CCND3: variants seen among roughly 807,000 people sequenced by gnomAD.
The protein encoded by CCND3 is cyclin D3.
CCND3 carries 9 observed loss-of-function variants against 28.7 expected under a neutral mutation model. The observed-to-expected ratio is 0.31, with a 90% CI of 0.19 to 0.55. The LOEUF (loss-of-function observed/expected upper bound fraction) is 0.55, where lower values mean the gene tolerates loss of function less well. Among genes scored for constraint, CCND3 ranks in the 20% least tolerant of loss-of-function variants. The probability of loss-of-function intolerance (pLI) is 0.93; values close to 1 mark genes in which losing one functional copy is unlikely to be tolerated. For missense variants in CCND3, 315 were observed against 385.8 expected, an observed-to-expected ratio of 0.82 and a Z score of 1.54; for synonymous variants, 164 against 163.9, an observed-to-expected ratio of 1.00 and a Z score of 0.00.
At chr6:41,968,801 G>GTGTT (rs147565343) in intron 1 of CCND3, among the ~76,000 whole-genome samples, 52 of 151,868 alleles carry the variant, frequency 3.4e-4, no homozygotes, top group African/African-American at 6.3e-4. Flanking sequence ...GTATTGGTTT[G>GTGTT]TGTTTGTTTG....
intron 1 of CCND3, among the ~76,000 whole-genome samples, chr6:41,959,586 G>A (rs1761648479): frequency 6.6e-6 from 1 of 151,584 alleles, no homozygotes; most frequent in Admixed American, 6.6e-5. Flanking sequence ...CGGGATGGGG[G>A]CTGAGGCAGG....
intron 1 of CCND3, among the ~76,000 whole-genome samples, chr6:42,042,210 C>T (rs1314874435): frequency 6.6e-6 from 1 of 152,154 alleles, no homozygotes; most frequent in African/African-American, 2.4e-5. Context: ...GCCCCATATC[C>T]ACCCCGAGGA....
chr6:41,977,843 A>G (rs1224441986), intron 1 of CCND3, among the ~76,000 whole-genome samples: 1 of 152,120 alleles, frequency 6.6e-6, no homozygotes, highest in African/African-American at 2.4e-5. Context: ...ATTATTTTCA[A>G]AAACTCTAAC....
intron 1 of CCND3, among the ~76,000 whole-genome samples, chr6:42,009,937 T>C (rs1763292263): frequency 1.3e-5 from 2 of 152,174 alleles, no homozygotes; most frequent in Non-Finnish European, 2.9e-5. Context: ...TTAGTCCTAC[T>C]GAATCAGAAT....
chr6:41,937,538 G>T, intron 2 of CCND3, 144 bp from the exon 3 acceptor site: 1 of 906,768 alleles, frequency 1.1e-6, no homozygotes, highest in Non-Finnish European at 1.6e-6. Context: ...TTTAAGGCCG[G>T]GCACCATGGA....
chr6:41,943,539 GTTC>G (rs1165905067), upstream of CCND3, among the ~76,000 whole-genome samples: 1 of 152,122 alleles, frequency 6.6e-6, no homozygotes, highest in Non-Finnish European at 1.5e-5. Flanking sequence ...ATTATTTCTA[GTTC>G]TTCTCTATTA....
chr6:41,999,814 C>G (rs926195467), intron 1 of CCND3, among the ~76,000 whole-genome samples: 3 of 152,126 alleles, frequency 2.0e-5, no homozygotes, highest in Non-Finnish European at 4.4e-5. Flanking sequence ...TTCTTCGAGC[C>G]TAGAAGTTTG....
In CCND3 at chr6:42,048,498, T is replaced by TACCTCCTCGTCAGGTG. The variant is rs758816737; in HGVS notation, c.-59_-46+2dup. The TACCTCCTCGTCAGGTG allele has an allele frequency of 2.2e-5, 11 of 511,022 alleles. No homozygotes were observed. The highest frequency in any genetic ancestry group is 1.5e-4 in the African/African-American group (8 of 51,710). 31.7% of individuals were successfully genotyped at this position (511,022 alleles called of 1,614,324 possible). On this transcript the variant is annotated splice_region_variant and intron_variant, in intron 1 of 4. Transcript: ENST00000372988. This position sits in a 1 kb window ranked among gnomAD's most constrained non-coding sequence, Gnocchi z 4.7. ...CCCCGGTTTCTCCAGCACCCAAGCC[T>TACCTCCTCGTCAGGTG]ACCTCCTCGTCAGGTGACCTCCCCG... is the stretch of plus-strand genomic sequence containing the variant.
intron 1 of CCND3, among the ~76,000 whole-genome samples, chr6:41,980,389 G>A (rs1320591169): frequency 6.6e-6 from 1 of 152,128 alleles, no homozygotes; most frequent in African/African-American, 2.4e-5. Context: ...TCCAACCTCA[G>A]CCTCCCAAAG....
chr6:42,003,290 C>T (rs1763069549), intron 1 of CCND3, among the ~76,000 whole-genome samples: 1 of 151,530 alleles, frequency 6.6e-6, no homozygotes, highest in African/African-American at 2.4e-5. Flanking sequence ...CTTTGGGAAG[C>T]CGAGACAGGT....
intron 1 of CCND3, among the ~76,000 whole-genome samples, chr6:41,998,123 T>C (rs895478734): frequency 2.6e-5 from 4 of 151,676 alleles, no homozygotes; most frequent in Non-Finnish European, 5.9e-5. Flanking sequence ...ACCCCATCTC[T>C]ACTAAAAATA....
chr6:42,038,237 A>AT (rs533412684), intron 1 of CCND3, among the ~76,000 whole-genome samples: 2 of 151,500 alleles, frequency 1.3e-5, no homozygotes, highest in East Asian at 3.9e-4. Context: ...GTGCTGCTGG[A>AT]TTTTTTTTAA....
At chr6:42,004,265 C>A (rs1042493800) in intron 1 of CCND3, among the ~76,000 whole-genome samples, 22 of 151,468 alleles carry the variant, frequency 1.5e-4, no homozygotes, top group Non-Finnish European at 1.9e-4. Flanking sequence ...GTTCCTGGTC[C>A]AAAGTGATAT....
At chr6:42,017,014 A>T (rs1763539219) in intron 1 of CCND3, among the ~76,000 whole-genome samples, 1 of 152,222 alleles carries the variant, frequency 6.6e-6, no homozygotes, top group Non-Finnish European at 1.5e-5. Context: ...GGAGTCACAG[A>T]GGAGTGACGT....
intron 1 of CCND3, among the ~76,000 whole-genome samples, chr6:42,013,270 C>T (rs537712477): frequency 6.6e-6 from 1 of 152,270 alleles, no homozygotes; most frequent in East Asian, 1.9e-4. Context: ...AATTGAATCA[C>T]ACAGTTGATT....
At chr6:41,943,558 A>C (rs2127396738), upstream of CCND3, among the ~76,000 whole-genome samples, 1 of 152,364 alleles carries the variant, frequency 6.6e-6, no homozygotes, top group Non-Finnish European at 1.5e-5. Flanking sequence ...TATTAGACAT[A>C]ATACTGTAAA....
chr6:41,987,668 AATT>A (rs915882873), intron 1 of CCND3, among the ~76,000 whole-genome samples: 70 of 149,858 alleles, frequency 4.7e-4, no homozygotes, highest in Non-Finnish European at 4.4e-4. Context: ...ATACTCAGCT[AATT>A]TTTTTTTTTT....
intron 1 of CCND3, among the ~76,000 whole-genome samples, chr6:42,044,807 G>A (rs1582197727): frequency 3.1e-5 from 1 of 32,166 alleles, no homozygotes; most frequent in Non-Finnish European, 8.8e-5. Context: ...TTATTTATTT[G>A]AGACGGAGTC....
intron 1 of CCND3, among the ~76,000 whole-genome samples, chr6:42,014,688 T>G (rs1478720040): frequency 6.6e-6 from 1 of 151,966 alleles, no homozygotes; most frequent in East Asian, 1.9e-4. Context: ...ACTGGGAGGC[T>G]GAGGTTGGGG....
Sources: allele counts gnomAD v4.1 joint callset (sites outside exome capture counted in the v4.1 genomes callset), GRCh38; gene constraint gnomAD v4.1.1; non-coding constraint Gnocchi (gnomAD v3.1); transcripts MANE v1.5; gene names NCBI Gene and HGNC (gene_info 2026-07-23, HGNC 2026-07-21).